Variants in UBE2V1 observed in about 807,000 individuals in gnomAD.
UBE2V1 encodes ubiquitin conjugating enzyme E2 V1.
A neutral mutation model predicts 19.6 loss-of-function variants in UBE2V1; 15 were observed. The ratio of observed to expected loss-of-function variants is 0.77; its 90% CI spans 0.51 to 1.18. The LOEUF (loss-of-function observed/expected upper bound fraction) is 1.18. Ranked by LOEUF, UBE2V1 falls within the 50% of genes most tolerant of loss-of-function variation. The pLI, the probability that UBE2V1 is intolerant of heterozygous loss-of-function variation, is 0.00. For missense variants in UBE2V1, 125 were observed against 184.8 expected (o/e 0.68, Z 1.88); for synonymous variants, 60 against 60.7 (o/e 0.99, Z 0.05).
At chr20:50,084,277 T>A (rs1363491114) in intron 2 of UBE2V1, 23 bp from the exon 3 acceptor site, 2 of 1,610,288 alleles carry the variant, frequency 1.2e-6, no homozygotes, top group Non-Finnish European at 1.7e-6. Flanking sequence ...AGTACGGAGA[T>A]GTCACGCAAT....
chr20:50,106,871 C>T (rs867795212), intron 1 of UBE2V1, among the ~76,000 whole-genome samples: 1 of 84,776 alleles, frequency 1.2e-5, no homozygotes, highest in East Asian at 3.3e-4. Flanking sequence ...ACAACAACAA[C>T]AACAAAAAAA....
chr20:50,113,046 C>G (rs2080872977), intron 1 of UBE2V1, 61 bp downstream of exon 1: 1 of 733,408 alleles, frequency 1.4e-6, no homozygotes, highest in Non-Finnish European at 2.0e-6. Flanking sequence ...CTTTGAGGGT[C>G]CCCGGCCCCC....
At chr20:50,098,855 A>T in intron 1 of UBE2V1, 1 of 916,898 alleles carries the variant, frequency 1.1e-6, no homozygotes, top group African/African-American at 1.8e-5. Context: ...GGTATTTGAA[A>T]GGAAACAGCA....
chr20:50,099,402 A>G (rs971772741), intron 1 of UBE2V1, among the ~76,000 whole-genome samples: 1 of 152,214 alleles, frequency 6.6e-6, no homozygotes, highest in African/African-American at 2.4e-5. Flanking sequence ...ATAGATGATA[A>G]GTGACATCTT....
intron 2 of UBE2V1, among the ~76,000 whole-genome samples, chr20:50,087,180 G>C (rs768176479): frequency 6.6e-6 from 1 of 152,046 alleles, no homozygotes; most frequent in South Asian, 2.1e-4. Flanking sequence ...TGGATAACCT[G>C]AGGTCAGGAG....
intron 2 of UBE2V1, among the ~76,000 whole-genome samples, chr20:50,093,987 C>CAAAAAAAA (rs60174191): frequency 5.3e-4 from 30 of 56,270 alleles, no homozygotes; most frequent in Non-Finnish European, 6.9e-4. Flanking sequence ...GACTCCAACT[C>CAAAAAAAA]AAAAAAAAAA....
At chr20:50,083,297 C>T (rs1211812118) in intron 3 of UBE2V1, among the ~76,000 whole-genome samples, 4 of 152,178 alleles carry the variant, frequency 2.6e-5, no homozygotes, top group Admixed American at 6.5e-5. Context: ...TACGGACAGC[C>T]AAGGCAAAGG....
chr20:50,099,538 G>A (rs1294612867), intron 1 of UBE2V1, among the ~76,000 whole-genome samples: 1 of 152,112 alleles, frequency 6.6e-6, no homozygotes, highest in African/African-American at 2.4e-5. Context: ...ACAATCCCAT[G>A]TTATTTGCAT....
intron 2 of UBE2V1, among the ~76,000 whole-genome samples, chr20:50,086,112 G>A (rs1344422546): frequency 3.3e-5 from 5 of 152,200 alleles, no homozygotes; most frequent in Non-Finnish European, 7.3e-5. Flanking sequence ...CTAGTGACCT[G>A]AAGAGGAAGC....
intron 1 of UBE2V1, among the ~76,000 whole-genome samples, chr20:50,106,845 A>AACC (rs1298491435): frequency 6.5e-5 from 7 of 106,928 alleles, no homozygotes; most frequent in African/African-American, 2.8e-4. Context: ...CAAAACCAAA[A>AACC]ACAACAACAA....
chr20:50,113,192 C>G (rs2080894954), upstream of UBE2V1: 2 of 1,234,762 alleles, frequency 1.6e-6, no homozygotes, highest in African/African-American at 1.6e-5. Flanking sequence ...TCCCCCGGCC[C>G]TGATGCGCAG....
chr20:50,097,251 G>T (rs937951665), intron 1 of UBE2V1, among the ~76,000 whole-genome samples: 2 of 152,112 alleles, frequency 1.3e-5, no homozygotes, highest in Non-Finnish European at 2.9e-5. Flanking sequence ...CCTTTAGGAG[G>T]AATAGTCACC....
At chr20:50,098,839 A>C (rs2079803313) in intron 1 of UBE2V1, 2 of 752,108 alleles carry the variant, frequency 2.7e-6, no homozygotes, top group Admixed American at 1.3e-4. Context: ...AAATAGTACT[A>C]CATATGGTAT....
intron 1 of UBE2V1, 120 bp downstream of exon 1, chr20:50,112,987 A>C: frequency 2.4e-6 from 1 of 425,224 alleles, no homozygotes; most frequent in Non-Finnish European, 3.9e-6. Context: ...GCTGCCGCGG[A>C]GCCCAGCAGA....
At chr20:50,095,542 A>T (rs1373202873) in intron 2 of UBE2V1, among the ~76,000 whole-genome samples, 3 of 152,244 alleles carry the variant, frequency 2.0e-5, no homozygotes, top group African/African-American at 7.2e-5. Flanking sequence ...GACCATCTGA[A>T]ATGAGCATTA....
At chr20:50,115,664 G>C (rs1210441649), upstream of UBE2V1, 5 of 1,288,288 alleles carry the variant, frequency 3.9e-6, no homozygotes, top group Non-Finnish European at 5.0e-6. Flanking sequence ...TGGGCACAGG[G>C]AAGAGGAAGG....
At chr20:50,094,993 G>A (rs1174431479) in intron 2 of UBE2V1, 4 of 152,184 alleles carry the variant, frequency 2.6e-5, no homozygotes, top group Non-Finnish European at 5.9e-5. Flanking sequence ...AGCCCAAGCT[G>A]TTTTAGGCAG....
chr20:50,103,541 G>A (rs2147145482), intron 1 of UBE2V1, among the ~76,000 whole-genome samples: 1 of 152,240 alleles, frequency 6.6e-6, no homozygotes, highest in Middle Eastern at 3.4e-3. Context: ...AAGTAGCTGG[G>A]ATTACAGGCG....
In UBE2V1 at chr20:50,084,258, GA is replaced by G; in HGVS notation, c.172-5del. ...ATATTCGGTTTTCATAAATTGTCTG[GA>G]AAAAAAGAGTACGGAGATGTCACGC... is the stretch of plus-strand genomic sequence containing the variant. On this transcript the variant is annotated splice_region_variant and splice_polypyrimidine_tract_variant and intron_variant, in intron 2 of 3. Transcript: ENST00000371674. 1.9e-6 allele frequency: 3 copies of G among 1,609,294 alleles called. No individual in the cohort carries two copies. The highest frequency in any genetic ancestry group is 2.2e-5 in the East Asian group (1 of 44,758).
Sources: allele counts gnomAD v4.1 joint callset (sites outside exome capture counted in the v4.1 genomes callset), GRCh38; gene constraint gnomAD v4.1.1; transcripts MANE v1.5; gene names NCBI Gene and HGNC (gene_info 2026-07-23, HGNC 2026-07-21).